MICOS10: variants seen among roughly 807,000 people sequenced by gnomAD.
The protein encoded by MICOS10 is MICOS complex subunit MIC10.
MICOS10 carries 5 observed loss-of-function variants against 13.4 expected under a neutral mutation model. The observed-to-expected ratio is 0.37, with a 90% CI of 0.20 to 0.78. The LOEUF (loss-of-function observed/expected upper bound fraction) is 0.78. Among genes scored for constraint, MICOS10 ranks in the 30% least tolerant of loss-of-function variants. The pLI is 0.47. For synonymous variants in MICOS10, 35 were observed against 33.6 expected (o/e 1.04, Z -0.15); for missense variants, 101 against 94.6 (o/e 1.07, Z -0.28).
At position 19,597,146 on chromosome 1, in the gene MICOS10, C is replaced by T. The variant is rs185558885; in HGVS notation, c.64+37C>T. ...TTCGCCCCAGCAGGCCCGGCCGGTG[C>T]AGAGCTGCTGGCTCCAGGCTGCGCT... On this transcript the variant is annotated intron_variant, in intron 1 of 3. Coordinates refer to ENST00000322753, the MANE Select transcript of MICOS10 (RefSeq NM_001032363.4). 95 of 1,585,324 alleles carry T rather than the reference C, an allele frequency of 6.0e-5. No individual in the cohort carries two copies. The African/African-American group carries it at 1.0e-3, about 17-fold the overall frequency.
At chr1:19,612,459 A>G (rs1212163830) in intron 1 of MICOS10, among the ~76,000 whole-genome samples, 2 of 150,468 alleles carry the variant, frequency 1.3e-5, no homozygotes, top group African/African-American at 2.4e-5. Flanking sequence ...GTGGTGGATC[A>G]TGTCTGTAAT....
In MICOS10 at chr1:19,618,435, C is replaced by T. The variant is rs550027242; in HGVS notation, c.65-3665C>T. ...GGGATTACAGGCATGAGCTGCTGCA[C>T]GCAGCCTGTATTACACCTCTGAAAT... On this transcript the variant is annotated intron_variant, in intron 1 of 3. Coordinates refer to ENST00000322753, the MANE Select transcript of MICOS10 (RefSeq NM_001032363.4). Among the ~76,000 whole-genome samples the T allele has an allele frequency of 4.9e-4, 74 of 152,236 alleles. 1 individual carries two copies. The South Asian group carries it at 0.013, about 27-fold the overall frequency.
At chr1:19,625,261 A>T in intron 3 of MICOS10, 1 of 959,946 alleles carries the variant, frequency 1.0e-6, no homozygotes, top group Non-Finnish European at 1.4e-6. Flanking sequence ...CCATTGTTCC[A>T]CTGTAACAAC....
chr1:19,609,400 T>A (rs1208901921), intron 1 of MICOS10, among the ~76,000 whole-genome samples: 1 of 152,210 alleles, frequency 6.6e-6, no homozygotes, highest in Non-Finnish European at 1.5e-5. Flanking sequence ...TTCATTGGAA[T>A]GGGAAATGGT....
intron 1 of MICOS10, among the ~76,000 whole-genome samples, chr1:19,609,971 G>A (rs1451984315): frequency 4.6e-5 from 7 of 152,078 alleles, no homozygotes; most frequent in Non-Finnish European, 1.0e-4. Flanking sequence ...GGGAAACCCC[G>A]TCTCTACTAA....
At chr1:19,608,159 A>G in intron 1 of MICOS10, 1 of 1,258,470 alleles carries the variant, frequency 7.9e-7, no homozygotes. Flanking sequence ...ACAGGTCATC[A>G]ACCTCGGACC....
chr1:19,603,058 G>C (rs1288850340), intron 1 of MICOS10, among the ~76,000 whole-genome samples: 1 of 152,092 alleles, frequency 6.6e-6, no homozygotes, highest in Admixed American at 6.6e-5. Flanking sequence ...GGCCGGGCTC[G>C]CTGGCTCACA....
In MICOS10 at chr1:19,629,422, G is replaced by A. The variant is rs1032424950; in HGVS notation, c.*3021G>A. 15 of 152,238 alleles carry A rather than the reference G, an allele frequency of 9.9e-5. No individual in the cohort carries two copies. The highest frequency in any genetic ancestry group is 3.4e-4 in the African/African-American group (14 of 41,446). The allele number at this position is 152,238 out of a possible 1,614,324, so 9.4% of individuals were successfully genotyped here. A position where few individuals can be genotyped will look rare whatever the true frequency, so the allele number is the denominator to read the frequency against. On this transcript the variant is annotated 3_prime_UTR_variant, in exon 4 of 4. Coordinates refer to ENST00000322753, the MANE Select transcript of MICOS10 (RefSeq NM_001032363.4). ...TGTATAATTTGGCCCAGAACAATAT[G>A]TATTTTGAGCTCATTTAGGTGAATG...
At chr1:19,617,573 G>C (rs1320981) in intron 1 of MICOS10, among the ~76,000 whole-genome samples, 31,764 of 151,984 alleles carry the variant, frequency 0.21, 5,462 homozygotes, top group African/African-American at 0.48. Context: ...TATTTTTTCC[G>C]TCATTAATGG....
At chr1:19,623,125 G>T (rs1332235764) in intron 2 of MICOS10, among the ~76,000 whole-genome samples, 3 of 151,950 alleles carry the variant, frequency 2.0e-5, no homozygotes, top group Non-Finnish European at 4.4e-5. Context: ...GTTTCACCAT[G>T]TTGGCTAAGA....
intron 1 of MICOS10, among the ~76,000 whole-genome samples, chr1:19,599,564 C>A (rs79683471): frequency 0.078 from 11,927 of 152,156 alleles, 647 homozygotes; most frequent in Non-Finnish European, 0.11. Flanking sequence ...TATTAAGTGA[C>A]TGAAGGGATG....
At chr1:19,600,231 T>G (rs2094808621) in intron 1 of MICOS10, among the ~76,000 whole-genome samples, 1 of 152,188 alleles carries the variant, frequency 6.6e-6, no homozygotes, top group Non-Finnish European at 1.5e-5. Context: ...TAGACTGGAA[T>G]AAATGGGCAT....
rs1009962537 is a variant in MICOS10, at chr1:19,627,963, T to G, written c.*1562T>G. Reference sequence around the variant, plus strand: ...CCTCTGGGCTTGTTTTCCTCTTTATTGCTACTTGGCTGTTTTTCACTTGGT... The same window carrying G: ...CCTCTGGGCTTGTTTTCCTCTTTATGGCTACTTGGCTGTTTTTCACTTGGT... On this transcript the variant is annotated 3_prime_UTR_variant, in exon 4 of 4. Transcript: ENST00000322753. 2.6e-5 allele frequency: 4 copies of G among 152,324 alleles called. No individual in the cohort carries two copies. Among genetic ancestry groups the G allele is most frequent in the Non-Finnish European group, 5.9e-5 (4 of 68,090 alleles). The allele number at this position is 152,324 out of a possible 1,614,324, so 9.4% of individuals were successfully genotyped here.
chr1:19,615,911 A>AT (rs533800704), intron 1 of MICOS10, among the ~76,000 whole-genome samples: 14,870 of 148,494 alleles, frequency 0.1, 2,447 homozygotes, highest in African/African-American at 0.35. Context: ...TCTCCATTGA[A>AT]TTTTTTTTTT....
intron 1 of MICOS10, among the ~76,000 whole-genome samples, chr1:19,618,533 A>G (rs951830347): frequency 6.6e-6 from 1 of 151,966 alleles, no homozygotes; most frequent in Non-Finnish European, 1.5e-5. Context: ...GAGACTTTCC[A>G]TTTTTCTAAT....
intron 1 of MICOS10, among the ~76,000 whole-genome samples, chr1:19,599,432 T>C (rs954189398): frequency 6.6e-6 from 1 of 152,184 alleles, no homozygotes; most frequent in African/African-American, 2.4e-5. Context: ...CTGTCTCTCA[T>C]GCGTAGAACG....
At chr1:19,623,259 C>T (rs1275896069) in intron 2 of MICOS10, among the ~76,000 whole-genome samples, 1 of 152,124 alleles carries the variant, frequency 6.6e-6, no homozygotes, top group Admixed American at 6.6e-5. Flanking sequence ...AGCATAGGCA[C>T]TTAACAAGTA....
chr1:19,622,861 A>G (rs1467004185), intron 2 of MICOS10, among the ~76,000 whole-genome samples: 1 of 151,892 alleles, frequency 6.6e-6, no homozygotes, highest in Non-Finnish European at 1.5e-5. Flanking sequence ...AACTGAGCAG[A>G]TGATTAGAAC....
intron 1 of MICOS10, among the ~76,000 whole-genome samples, chr1:19,612,105 C>T (rs893321443): frequency 6.6e-5 from 10 of 150,722 alleles, no homozygotes; most frequent in African/African-American, 2.0e-4. Context: ...TGCAGTGGCG[C>T]GATCTCCACT....
Sources: gnomAD v4.1 joint callset for allele counts (sites outside exome capture counted in the v4.1 genomes callset) on GRCh38, gnomAD v4.1.1 for gene constraint, MANE v1.5 for transcripts, NCBI Gene and HGNC (gene_info 2026-07-23, HGNC 2026-07-21) for gene names.